Variants in SLC25A48 observed in about 807,000 individuals in gnomAD.
SLC25A48 encodes the protein solute carrier family 25 member 48.
In SLC25A48, 29 loss-of-function variants were observed where a neutral mutation model predicts 32.2. The ratio of observed to expected loss-of-function variants is 0.90; its 90% CI spans 0.67 to 1.23. The LOEUF (loss-of-function observed/expected upper bound fraction) is 1.23, where lower values mean the gene tolerates loss of function less well. Ranked by LOEUF, SLC25A48 falls within the 50% of genes most tolerant of loss-of-function variation. The pLI is 0.00. For synonymous variants in SLC25A48, 164 were observed against 172.3 expected (o/e 0.95, Z 0.38); for missense variants, 399 against 422.7 (o/e 0.94, Z 0.49).
chr5:135,747,448 T>TA (rs1194373914), intron 3 of SLC25A48, among the ~76,000 whole-genome samples: 1 of 152,108 alleles, frequency 6.6e-6, no homozygotes, highest in Admixed American at 6.6e-5. Context: ...AGACAGTTCT[T>TA]ATGTTCTTTG....
At chr5:135,865,278 A>G (rs1761098932) in intron 4 of SLC25A48, among the ~76,000 whole-genome samples, 1 of 152,130 alleles carries the variant, frequency 6.6e-6, no homozygotes, top group South Asian at 2.1e-4. Context: ...GTCATGAGGA[A>G]ACTGCTGGAC....
chr5:135,641,549 T>C (rs1752838080), intron 3 of SLC25A48, among the ~76,000 whole-genome samples: 1 of 152,190 alleles, frequency 6.6e-6, no homozygotes. Flanking sequence ...CTTGCTTACA[T>C]AGTCAGTTCT....
chr5:135,834,669 A>G lies in SLC25A48; in HGVS notation c.-179A>G. ...ATGTCAGCCGCCCTCCGGCACTTGGAGAGGTGAGCGCGGCAGCCCGCGCAG... is the reference window on the plus strand; with the variant it reads ...ATGTCAGCCGCCCTCCGGCACTTGGGGAGGTGAGCGCGGCAGCCCGCGCAG... On this transcript the variant is annotated 5_prime_UTR_variant, in exon 1 of 8. Transcript: ENST00000681962. 1 of 631,602 alleles carries G rather than the reference A, an allele frequency of 1.6e-6. No homozygotes were observed. Among genetic ancestry groups the G allele is most frequent in the Non-Finnish European group, 2.7e-6 (1 of 370,254 alleles). 39.1% of individuals were successfully genotyped at this position (631,602 alleles called of 1,614,324 possible).
chr5:135,716,031 G>A (rs972060040), intron 3 of SLC25A48, among the ~76,000 whole-genome samples: 2 of 152,206 alleles, frequency 1.3e-5, no homozygotes, highest in African/African-American at 4.8e-5. Flanking sequence ...TTATCCAGAA[G>A]TGCAGTTTCC....
intron 1 of SLC25A48, among the ~76,000 whole-genome samples, chr5:135,596,690 T>C (rs374763846): frequency 1.3e-5 from 2 of 152,184 alleles, no homozygotes; most frequent in South Asian, 2.1e-4. Context: ...CCCTCCATTC[T>C]TGAATTTGGA....
At position 135,728,833 on chromosome 5, in the gene SLC25A48, TACAC is replaced by T. The variant is rs570128596; in HGVS notation, c.-520-83688_-520-83685del. Among the ~76,000 whole-genome samples the T allele has an allele frequency of 9.2e-3, 1,037 of 113,300 alleles. 13 individuals are homozygous for T. Among genetic ancestry groups the T allele is most frequent in the African/African-American group, 0.036 (988 of 27,796 alleles). 74.3% of individuals were successfully genotyped at this position (113,300 alleles called of 152,430 possible). A position where few individuals can be genotyped will look rare whatever the true frequency, so the allele number is the denominator to read the frequency against. On this transcript the variant is annotated intron_variant, in intron 3 of 10. Transcript: ENST00000646290. ...CCTCTTGGAATTTCCCCTGAACACA[TACAC>T]AAATACACACACACACACACACACA...
chr5:135,619,171 A>G (rs1011578192), intron 1 of SLC25A48, among the ~76,000 whole-genome samples: 1 of 151,944 alleles, frequency 6.6e-6, no homozygotes, highest in African/African-American at 2.4e-5. Context: ...TGTCACAAAC[A>G]CTTTGTTCCT....
At chr5:135,825,200 A>G (rs1758005173) in intron 4 of SLC25A48, 1 of 152,220 alleles carries the variant, frequency 6.6e-6, no homozygotes. Flanking sequence ...CAAATGTTTC[A>G]TTAGCATCAT....
chr5:135,799,616 G>T (rs996589912), intron 3 of SLC25A48, among the ~76,000 whole-genome samples: 2 of 151,280 alleles, frequency 1.3e-5, no homozygotes, highest in Non-Finnish European at 1.5e-5. Flanking sequence ...TGCAGGGGCT[G>T]GTCACCCACC....
intron 3 of SLC25A48, chr5:135,650,466 C>T (rs544402208): frequency 5.0e-5 from 23 of 455,702 alleles, no homozygotes; most frequent in African/African-American, 2.0e-4. Context: ...AGGAACCAGC[C>T]GGGTTCATCA....
intron 1 of SLC25A48, among the ~76,000 whole-genome samples, chr5:135,838,563 G>A (rs894703334): frequency 5.3e-5 from 8 of 152,168 alleles, no homozygotes; most frequent in African/African-American, 1.9e-4. Context: ...AGGCCTAGGA[G>A]GAAAAAATGG....
At position 135,873,611 on chromosome 5, in the gene SLC25A48, T is replaced by G. The variant is rs1425969948; in HGVS notation, c.680-410T>G. Among the ~76,000 whole-genome samples, 4 of 152,278 alleles carry G rather than the reference T, an allele frequency of 2.6e-5. No individual in the cohort carries two copies. In the East Asian group the frequency reaches 7.7e-4, roughly 29 times the overall value. ...CCTCATGCCTCACCCTGGGCTCTCTTCTGGTGCCCTGGGAAGGTGCTCCCA... is the reference window on the plus strand; with the variant it reads ...CCTCATGCCTCACCCTGGGCTCTCTGCTGGTGCCCTGGGAAGGTGCTCCCA... On this transcript the variant is annotated intron_variant, in intron 5 of 7. Coordinates refer to ENST00000681962, the MANE Select transcript of SLC25A48 (RefSeq NM_001349336.2).
rs147662123 is a variant in SLC25A48, at chr5:135,747,112, G to C, written c.-520-65411G>C. On this transcript the variant is annotated intron_variant, in intron 3 of 10. Transcript: ENST00000646290. ...GTCTGCCCCATTTTTCCAGTGAATG[G>C]TACCCTCTGCCATTTGTAATTAACA... Among the ~76,000 whole-genome samples, 324 of 151,824 alleles carry C rather than the reference G, an allele frequency of 2.1e-3. 2 individuals carry two copies. The highest frequency in any genetic ancestry group is 7.6e-3 in the African/African-American group (313 of 41,424).
intron 3 of SLC25A48, 73 bp from the exon 4 acceptor site, chr5:135,852,490 A>ACCCCGTCAG: frequency 1.3e-6 from 2 of 1,522,646 alleles, no homozygotes; most frequent in Non-Finnish European, 8.9e-7. Flanking sequence ...CCGGTGGTGT[A>ACCCCGTCAG]CCCCGTCAGC....
At chr5:135,585,388 A>G (rs988851558) in intron 1 of SLC25A48, among the ~76,000 whole-genome samples, 12 of 152,086 alleles carry the variant, frequency 7.9e-5, no homozygotes, top group Admixed American at 6.5e-5. Context: ...CCTTGACTGC[A>G]CACATCTGCC....
intron 1 of SLC25A48, among the ~76,000 whole-genome samples, chr5:135,607,427 T>C (rs549575234): frequency 6.6e-5 from 10 of 152,276 alleles, no homozygotes; most frequent in African/African-American, 2.2e-4. Context: ...TTCCTACTCA[T>C]GGAATTTCAG....
At chr5:135,801,419 C>T (rs1271294593) in intron 3 of SLC25A48, among the ~76,000 whole-genome samples, 1 of 149,966 alleles carries the variant, frequency 6.7e-6, no homozygotes. Context: ...AGGAGGTGTA[C>T]GTCTGCTTGT....
chr5:135,580,063 A>T (rs1034038926), intron 1 of SLC25A48, among the ~76,000 whole-genome samples: 1 of 152,180 alleles, frequency 6.6e-6, no homozygotes, highest in Non-Finnish European at 1.5e-5. Context: ...TTTTATGTCT[A>T]ATTTATCTAT....
intron 3 of SLC25A48, among the ~76,000 whole-genome samples, chr5:135,696,115 A>G (rs768356332): frequency 3.9e-5 from 6 of 152,234 alleles, no homozygotes; most frequent in Non-Finnish European, 5.9e-5. Flanking sequence ...AGTGCAACAC[A>G]TGCACAGAAA....
Sources: allele counts gnomAD v4.1 joint callset (sites outside exome capture counted in the v4.1 genomes callset), GRCh38; gene constraint gnomAD v4.1.1; transcripts MANE v1.5; gene names NCBI Gene and HGNC (gene_info 2026-07-23, HGNC 2026-07-21).